The following JAZF1 variants were observed in gnomAD, a reference collection of about 807,000 sequenced individuals.
JAZF1 encodes JAZF zinc finger 1, also known as juxtaposed with another zinc finger protein 1.
JAZF1 carries 8 observed loss-of-function variants against 26.4 expected under a neutral mutation model. The ratio of observed to expected loss-of-function variants is 0.30; its 90% CI spans 0.18 to 0.55. The LOEUF is 0.55. Among genes scored for constraint, JAZF1 ranks in the 20% least tolerant of loss-of-function variants. The pLI is 0.94. For synonymous variants in JAZF1, 126 were observed against 122.3 expected (o/e 1.03, Z -0.20); for missense variants, 199 against 322.0 (o/e 0.62, Z 2.92).
intron 2 of JAZF1, among the ~76,000 whole-genome samples, chr7:27,975,807 A>T (rs1444881652): frequency 1.3e-5 from 2 of 152,218 alleles, no homozygotes; most frequent in Non-Finnish European, 2.9e-5. Flanking sequence ...AAAGATTTTT[A>T]AAAATGGTCT....
At chr7:27,978,819 A>G (rs1002111884) in intron 2 of JAZF1, among the ~76,000 whole-genome samples, 10 of 151,902 alleles carry the variant, frequency 6.6e-5, no homozygotes, top group Non-Finnish European at 1.0e-4. Context: ...TCCCAAACAT[A>G]AAGACCACAG....
chr7:27,898,302 T>TATATATATAC (rs1554274083), intron 2 of JAZF1, among the ~76,000 whole-genome samples: 12 of 97,378 alleles, frequency 1.2e-4, no homozygotes, highest in Non-Finnish European at 2.4e-4. Flanking sequence ...TATATATATA[T>TATATATATAC]ATACATCGGT....
chr7:28,180,515 G>T lies in JAZF1; in HGVS notation c.63C>A (p.Leu21=). The T allele has an allele frequency of 6.2e-7, 1 of 1,611,040 alleles. No homozygotes were observed. Among genetic ancestry groups the T allele is most frequent in the South Asian group, 1.1e-5 (1 of 90,904 alleles). ...SNTCRFGGCG[L]HFPTLADLIE... is the part of the protein sequence containing the mutation. ...TGAGGTCGGCCAGGGTGGGGAAGTGGAGTCCGCAGCCCCCGAATCGGCAGG... is the reference window on the plus strand; with the variant it reads ...TGAGGTCGGCCAGGGTGGGGAAGTGTAGTCCGCAGCCCCCGAATCGGCAGG... Residue 21 remains leucine, a synonymous_variant, in exon 1 of 5, where the codon CTC becomes CTA. Transcript: ENST00000283928.
intron 1 of JAZF1, among the ~76,000 whole-genome samples, chr7:28,022,627 G>A (rs1783025165): frequency 6.6e-6 from 1 of 152,198 alleles, no homozygotes; most frequent in East Asian, 1.9e-4. Flanking sequence ...AGTTCAGGCT[G>A]TGCATTTTAC....
intron 1 of JAZF1, among the ~76,000 whole-genome samples, chr7:28,118,900 A>T (rs1784793528): frequency 6.6e-6 from 1 of 152,216 alleles, no homozygotes; most frequent in African/African-American, 2.4e-5. Flanking sequence ...AAACTTTCAC[A>T]CAGCAGATAT....
intron 1 of JAZF1, among the ~76,000 whole-genome samples, chr7:28,042,679 T>A (rs1179668392): frequency 2.6e-5 from 4 of 152,184 alleles, no homozygotes; most frequent in African/African-American, 9.7e-5. Context: ...GTGATGGTGG[T>A]CCCATAAGGT....
chr7:27,979,365 C>A (rs890277976), intron 2 of JAZF1, among the ~76,000 whole-genome samples: 167 of 104,656 alleles, frequency 1.6e-3, no homozygotes, highest in Admixed American at 6.5e-3. Context: ...AGGTACACTA[C>A]ATTTTTTTTT....
rs766951580 is a variant in JAZF1 at position 28,180,599 on chromosome 7, CT to C, written c.-23del. ...TCATGGTGCTACATCGAGAGCCCCC[CT>C]GGTGTCGGCTCTGCGAGCGCCGGGC... is the stretch of plus-strand genomic sequence containing the variant. On this transcript the variant is annotated 5_prime_UTR_variant, in exon 1 of 5. Transcript: ENST00000283928. 7.9e-5 allele frequency: 117 copies of C among 1,480,396 alleles called. No homozygotes were observed. In the East Asian group the frequency reaches 2.7e-3, roughly 34 times the overall value. 91.7% of individuals were successfully genotyped at this position (1,480,396 alleles called of 1,614,324 possible).
chr7:28,168,100 C>T (rs1043829632), intron 1 of JAZF1, among the ~76,000 whole-genome samples: 5 of 152,034 alleles, frequency 3.3e-5, no homozygotes, highest in African/African-American at 9.7e-5. Flanking sequence ...AGATGAGTTT[C>T]GGCCGGGCGC....
intron 4 of JAZF1, among the ~76,000 whole-genome samples, chr7:27,839,826 T>C (rs1424006170): frequency 6.6e-6 from 1 of 151,676 alleles, no homozygotes; most frequent in Admixed American, 6.6e-5. Flanking sequence ...TTATGCTATC[T>C]TTTTTTTTAA....
chr7:27,885,578 G>A (rs145313524), intron 3 of JAZF1, among the ~76,000 whole-genome samples: 3 of 152,114 alleles, frequency 2.0e-5, no homozygotes, highest in African/African-American at 7.2e-5. Flanking sequence ...CAGACACATG[G>A]CTTGCAAATA....
At chr7:28,119,931 G>A (rs1050374978) in intron 1 of JAZF1, among the ~76,000 whole-genome samples, 3 of 152,116 alleles carry the variant, frequency 2.0e-5, no homozygotes, top group African/African-American at 7.2e-5. Context: ...ATATTCTACT[G>A]TATTGATACA....
intron 2 of JAZF1, among the ~76,000 whole-genome samples, chr7:27,907,209 C>T (rs968164285): frequency 6.6e-6 from 1 of 152,174 alleles, no homozygotes; most frequent in African/African-American, 2.4e-5. Context: ...TGGGGTCCTC[C>T]TTATAAAACA....
At chr7:28,021,467 G>A (rs762366227) in intron 1 of JAZF1, among the ~76,000 whole-genome samples, 12 of 152,138 alleles carry the variant, frequency 7.9e-5, no homozygotes, top group South Asian at 2.1e-4. Flanking sequence ...GTAAAATAAC[G>A]TGTAGAACTG....
At chr7:28,109,776 T>A (rs1228088038) in intron 1 of JAZF1, among the ~76,000 whole-genome samples, 1 of 152,184 alleles carries the variant, frequency 6.6e-6, no homozygotes, top group Admixed American at 6.5e-5. Flanking sequence ...GTATTAGCCA[T>A]GAGAGACTGC....
intron 1 of JAZF1, among the ~76,000 whole-genome samples, chr7:28,010,723 C>T (rs74684324): frequency 0.033 from 4,994 of 152,290 alleles, 274 homozygotes; most frequent in African/African-American, 0.11. Context: ...TCTCCAAAAG[C>T]CAGCAACTTG....
intron 2 of JAZF1, among the ~76,000 whole-genome samples, chr7:27,946,361 A>T (rs1014860906): frequency 6.6e-6 from 1 of 152,226 alleles, no homozygotes; most frequent in African/African-American, 2.4e-5. Context: ...CCTAAAGAAG[A>T]TCTATCTAAT....
intron 1 of JAZF1, among the ~76,000 whole-genome samples, chr7:28,039,968 G>C (rs1213113571): frequency 6.6e-6 from 1 of 152,030 alleles, no homozygotes. Flanking sequence ...CTGGCATTTT[G>C]GAATTTATTC....
chr7:27,994,702 C>T (rs965825721), intron 1 of JAZF1, among the ~76,000 whole-genome samples: 30 of 152,302 alleles, frequency 2.0e-4, no homozygotes, highest in African/African-American at 6.0e-4. Context: ...GAGAGGCCTG[C>T]ACCAGTGCTA....
Sources: allele counts gnomAD v4.1 joint callset (sites outside exome capture counted in the v4.1 genomes callset), GRCh38; gene constraint gnomAD v4.1.1; transcripts MANE v1.5; gene names NCBI Gene and HGNC (gene_info 2026-07-23, HGNC 2026-07-21).